The following EIF4B variants were observed in gnomAD, a reference collection of about 807,000 sequenced individuals.
EIF4B encodes the protein eukaryotic translation initiation factor 4B.
Under a neutral mutation model 79.3 loss-of-function variants are expected in EIF4B, and 8 were observed. That is an observed-to-expected ratio of 0.10 (90% CI 0.06 to 0.18). The LOEUF is 0.18. EIF4B is among the 10% of genes least tolerant of loss of function. The pLI, the probability that EIF4B is intolerant of heterozygous loss-of-function variation, is 1.00. For synonymous variants in EIF4B, 238 were observed against 274.7 expected, an observed-to-expected ratio of 0.87 and a Z score of 1.32; for missense variants, 515 against 792.4, an observed-to-expected ratio of 0.65 and a Z score of 4.20.
intron 13 of EIF4B, 62 bp from the exon 14 acceptor site, chr12:53,039,568 C>T: frequency 4.5e-6 from 7 of 1,567,006 alleles, no homozygotes; most frequent in Admixed American, 1.7e-5. Flanking sequence ...TGCATGCATA[C>T]ACATGTTTGT....
At chr12:53,017,108 C>T (rs1009238409) in intron 2 of EIF4B, among the ~76,000 whole-genome samples, 1 of 152,092 alleles carries the variant, frequency 6.6e-6, no homozygotes, top group Non-Finnish European at 1.5e-5. Flanking sequence ...CAAAAATTAG[C>T]TGGGCGTGGT....
At chr12:53,022,386 G>A in intron 5 of EIF4B, 107 bp from the exon 6 acceptor site, 2 of 1,489,538 alleles carry the variant, frequency 1.3e-6, no homozygotes, top group East Asian at 2.3e-5. Flanking sequence ...ATGACAGTGT[G>A]ACGTGAAAGT....
Position 53,039,169 on chromosome 12 carries a change from G to C in EIF4B, c.1577-69G>C, listed in dbSNP as rs61677742. The C allele has an allele frequency of 7.4e-4, 866 of 1,173,436 alleles. 12 individuals are homozygous for C. The East Asian group carries it at 0.016, about 22-fold the overall frequency. 72.7% of individuals were successfully genotyped at this position (1,173,436 alleles called of 1,614,324 possible). A position where few individuals can be genotyped will look rare whatever the true frequency, so the allele number is the denominator to read the frequency against. On this transcript the variant is annotated intron_variant, in intron 12 of 14. Transcript: ENST00000262056. ...TGGGCACAATTTTCTTCAGCTTAAG[G>C]GAAATCTTAGGAGAGGGACATTGAT...
rs1943509985 is a variant in EIF4B, at chr12:53,034,811, CT to C, written c.1306+103del. The C allele has an allele frequency of 1.8e-5, 25 of 1,351,742 alleles. No homozygotes were observed. In the South Asian group the frequency reaches 2.8e-4, roughly 15 times the overall value. The allele number at this position is 1,351,742 out of a possible 1,614,324, so 83.7% of individuals were successfully genotyped here. A position where few individuals can be genotyped will look rare whatever the true frequency, so the allele number is the denominator to read the frequency against. ...TGCAATATTTAAATTCAGTCATGAA[CT>C]CTTTATTTGGGTTGCATGGGCCGAT... On this transcript the variant is annotated intron_variant, in intron 10 of 14. Transcript: ENST00000262056.
intron 10 of EIF4B, among the ~76,000 whole-genome samples, chr12:53,035,651 A>C (rs1469010544): frequency 1.3e-5 from 2 of 151,824 alleles, no homozygotes; most frequent in African/African-American, 4.8e-5. Context: ...TACAGGCGTC[A>C]GCCACCGCAC....
At chr12:53,016,980 C>T (rs1421252700) in intron 2 of EIF4B, among the ~76,000 whole-genome samples, 3 of 152,106 alleles carry the variant, frequency 2.0e-5, no homozygotes, top group East Asian at 1.9e-4. Flanking sequence ...AGGCTGCTCG[C>T]GATGGCTTAC....
chr12:53,011,368 A>G (rs1456572684), intron 1 of EIF4B, among the ~76,000 whole-genome samples: 1 of 152,220 alleles, frequency 6.6e-6, no homozygotes, highest in Non-Finnish European at 1.5e-5. Flanking sequence ...ATATAGGACT[A>G]ACAATTCCTT....
chr12:53,031,290 T>C (rs1262402743), intron 8 of EIF4B, among the ~76,000 whole-genome samples: 2 of 152,202 alleles, frequency 1.3e-5, no homozygotes, highest in East Asian at 3.8e-4. Flanking sequence ...ACTTTTTTCT[T>C]CTTGAGACAG....
At chr12:53,033,389 C>G (rs1394135662) in intron 8 of EIF4B, among the ~76,000 whole-genome samples, 1 of 147,274 alleles carries the variant, frequency 6.8e-6, no homozygotes, top group Non-Finnish European at 1.5e-5. Flanking sequence ...TGTCACCAGG[C>G]TGAAGTGCAG....
In EIF4B at chr12:53,040,250, A is replaced by G; in HGVS notation, c.*27A>G. The G allele has an allele frequency of 1.3e-6, 2 of 1,585,014 alleles. No individual in the cohort carries two copies. The highest frequency in any genetic ancestry group is 1.7e-6 in the Non-Finnish European group (2 of 1,154,828). On this transcript the variant is annotated 3_prime_UTR_variant, in exon 15 of 15. Coordinates refer to ENST00000262056, the MANE Select transcript of EIF4B (RefSeq NM_001417.7). ...CCTCTACATCCTGTGCTTTTCTCCT[A>G]GTTTCTCTCCACCCTGGAACATTCG...
chr12:53,007,044 G>C (rs1435443159), intron 1 of EIF4B, among the ~76,000 whole-genome samples: 1 of 152,194 alleles, frequency 6.6e-6, no homozygotes, highest in African/African-American at 2.4e-5. Context: ...GAGGGTAGTA[G>C]AGACGGGCGC....
chr12:53,039,222 A>G lies in EIF4B; in HGVS notation c.1577-16A>G. ...TTTTACTTGCCTTTAATTTGTTTACATTACTGCCCAAGCAGATGAAAATAA... is the reference window on the plus strand; with the variant it reads ...TTTTACTTGCCTTTAATTTGTTTACGTTACTGCCCAAGCAGATGAAAATAA... On this transcript the variant is annotated splice_polypyrimidine_tract_variant and intron_variant, in intron 12 of 14. Transcript: ENST00000262056. The G allele has an allele frequency of 6.4e-7, 1 of 1,566,486 alleles. No homozygotes were observed. The highest frequency in any genetic ancestry group is 1.8e-5 in the Admixed American group (1 of 56,296).
intron 2 of EIF4B, among the ~76,000 whole-genome samples, chr12:53,018,396 AG>A (rs1195971464): frequency 6.6e-6 from 1 of 152,192 alleles, no homozygotes; most frequent in Admixed American, 6.5e-5. Flanking sequence ...CTGGAGTAAG[AG>A]GGACCCAGGT....
chr12:53,024,055 A>G (rs188787640), intron 6 of EIF4B, among the ~76,000 whole-genome samples: 2 of 152,312 alleles, frequency 1.3e-5, no homozygotes, highest in East Asian at 1.9e-4. Flanking sequence ...TTGGGCATAC[A>G]TTATTATAGT....
chr12:53,030,107 C>T (rs1297130377), intron 8 of EIF4B, among the ~76,000 whole-genome samples: 4 of 99,200 alleles, frequency 4.0e-5, no homozygotes, highest in African/African-American at 6.1e-5. Flanking sequence ...CTGTAGTCCC[C>T]GTGTCTTAGG....
At chr12:53,038,271 C>A in intron 11 of EIF4B, 85 bp from the exon 12 acceptor site, 1 of 1,210,238 alleles carries the variant, frequency 8.3e-7, no homozygotes, top group Non-Finnish European at 1.2e-6. Flanking sequence ...TAAAGCTTAC[C>A]CACTGCATTT....
Position 53,031,242 on chromosome 12 carries a change from T to A in EIF4B, c.980-2564T>A, listed in dbSNP as rs114238941. Among the ~76,000 whole-genome samples the A allele has an allele frequency of 5.7e-3, 870 of 152,328 alleles. 10 individuals carry two copies. Among genetic ancestry groups the A allele is most frequent in the African/African-American group, 0.02 (830 of 41,578 alleles). ...TGGAACATAGCCCTTTCTCTATACC[T>A]CTGACATACACGGGCCTTCACTGTT... On this transcript the variant is annotated intron_variant, in intron 8 of 14. Coordinates refer to ENST00000262056, the MANE Select transcript of EIF4B (RefSeq NM_001417.7).
intron 1 of EIF4B, 82 bp from the exon 2 acceptor site, chr12:53,016,388 AAAT>A: frequency 1.3e-6 from 2 of 1,547,970 alleles, no homozygotes; most frequent in East Asian, 2.3e-5. Context: ...ATTTCTTTCT[AAAT>A]AATGTTTTAC....
At chr12:53,015,594 C>T (rs147599886) in intron 1 of EIF4B, among the ~76,000 whole-genome samples, 411 of 151,510 alleles carry the variant, frequency 2.7e-3, no homozygotes, top group Non-Finnish European at 4.5e-3. Flanking sequence ...GTGGGAGGAT[C>T]ACATGAGCAT....
Sources: allele counts gnomAD v4.1 joint callset (sites outside exome capture counted in the v4.1 genomes callset), GRCh38; gene constraint gnomAD v4.1.1; transcripts MANE v1.5; gene names NCBI Gene and HGNC (gene_info 2026-07-23, HGNC 2026-07-21).